The following CDKL4 variants were observed in gnomAD, a reference collection of about 807,000 sequenced individuals.
CDKL4 encodes cyclin-dependent kinase-like 4.
In CDKL4, 44 loss-of-function variants were observed where a neutral mutation model predicts 42.0. The ratio of observed to expected loss-of-function variants is 1.05; its 90% confidence interval spans 0.82 to 1.35. The LOEUF is 1.35. Ranked by LOEUF, CDKL4 falls within the 40% of genes most tolerant of loss-of-function variation. The pLI, the probability that CDKL4 is intolerant of heterozygous loss-of-function variation, is 0.00. For missense variants in CDKL4, 393 were observed against 369.9 expected (o/e 1.06, Z -0.51); for synonymous variants, 120 against 121.6 (o/e 0.99, Z 0.09).
intron 9 of CDKL4, among the ~76,000 whole-genome samples, chr2:39,177,561 C>T (rs1675217478): frequency 1.3e-5 from 2 of 152,010 alleles, no homozygotes. Context: ...CCCACCACTA[C>T]ACCTGGCTAA....
At chr2:39,187,548 A>G in intron 7 of CDKL4, 79 bp downstream of exon 7, 1 of 987,746 alleles carries the variant, frequency 1.0e-6, no homozygotes, top group Non-Finnish European at 1.5e-6. Flanking sequence ...TCATCTCAAA[A>G]TAAATAAATA....
intron 1 of CDKL4, among the ~76,000 whole-genome samples, chr2:39,233,655 C>T (rs1010887234): frequency 1.7e-4 from 26 of 151,938 alleles, no homozygotes; most frequent in Admixed American, 1.3e-3. Context: ...GGAAAGCCGT[C>T]CCCATACATG....
At chr2:39,202,539 G>A (rs1039702663) in intron 5 of CDKL4, among the ~76,000 whole-genome samples, 4 of 152,070 alleles carry the variant, frequency 2.6e-5, no homozygotes, top group Non-Finnish European at 2.9e-5. Flanking sequence ...TTTTAATGAA[G>A]TCCAATTTAT....
At chr2:39,233,307 A>G (rs934938702) in intron 1 of CDKL4, among the ~76,000 whole-genome samples, 1 of 152,120 alleles carries the variant, frequency 6.6e-6, no homozygotes, top group East Asian at 1.9e-4. Context: ...AACACTCACT[A>G]CAAGGAAGGG....
At chr2:39,185,113 T>A (rs913691741) in intron 7 of CDKL4, among the ~76,000 whole-genome samples, 4 of 141,342 alleles carry the variant, frequency 2.8e-5, no homozygotes, top group African/African-American at 7.9e-5. Context: ...TTTAAATATA[T>A]ATATATACAC....
chr2:39,170,614 G>T, the CDKL4 span, among the ~76,000 whole-genome samples: 1 of 151,994 alleles, frequency 6.6e-6, no homozygotes, highest in African/African-American at 2.4e-5. Context: ...CCGCCACCAT[G>T]CCTGGCTAAT....
At chr2:39,210,380 C>G (rs1045382863) in intron 4 of CDKL4, among the ~76,000 whole-genome samples, 1 of 152,068 alleles carries the variant, frequency 6.6e-6, no homozygotes, top group Non-Finnish European at 1.5e-5. Context: ...CGTGTTGTTC[C>G]AAGCACAGAA....
intron 9 of CDKL4, among the ~76,000 whole-genome samples, chr2:39,176,500 T>A (rs1230023697): frequency 6.6e-6 from 1 of 152,234 alleles, no homozygotes; most frequent in East Asian, 1.9e-4. Flanking sequence ...AATGGTGCAA[T>A]CTCGGCTCAC....
At chr2:39,186,634 T>C (rs1212337735) in intron 7 of CDKL4, among the ~76,000 whole-genome samples, 1 of 152,190 alleles carries the variant, frequency 6.6e-6, no homozygotes, top group African/African-American at 2.4e-5. Context: ...TGGAGTTTAA[T>C]GAGTACAATG....
Position 39,176,841 on chromosome 2 carries a change from ACT to A in CDKL4, c.928-747_928-746del, listed in dbSNP as rs766955114. The stretch of plus-strand genomic sequence containing the variant: ...TAAGGAAACCGCAATGAATGAAAAG[ACT>A]TTTTTCTGTAACATTTATTTTCTGA... On this transcript the variant is annotated intron_variant, in intron 9 of 9. Transcript: ENST00000451199. 4.2e-3 allele frequency among the ~76,000 whole-genome samples: 636 copies of A among 152,334 alleles called. 2 individuals are homozygous for A. Among genetic ancestry groups the A allele is most frequent in the Non-Finnish European group, 7.1e-3 (483 of 68,028 alleles).
intron 4 of CDKL4, among the ~76,000 whole-genome samples, chr2:39,205,777 AAAAG>A (rs1553386235): frequency 1.3e-5 from 2 of 149,462 alleles, no homozygotes; most frequent in Admixed American, 6.7e-5. Context: ...AAAAAAAAAA[AAAAG>A]AAAGAAAGAA....
chr2:39,185,942 A>G (rs189118717), intron 7 of CDKL4, among the ~76,000 whole-genome samples: 2 of 152,252 alleles, frequency 1.3e-5, no homozygotes, highest in Admixed American at 1.3e-4. Context: ...TCTGTGCCTG[A>G]TCTACTTCTA....
chr2:39,225,994 C>T, intron 2 of CDKL4, 34 bp from the exon 3 acceptor site: 1 of 1,596,056 alleles, frequency 6.3e-7, no homozygotes, highest in Non-Finnish European at 8.5e-7. Flanking sequence ...GTTAAGTGAT[C>T]TGTTACTAGT....
At chr2:39,185,802 C>A (rs1297242433) in intron 7 of CDKL4, among the ~76,000 whole-genome samples, 1 of 152,004 alleles carries the variant, frequency 6.6e-6, no homozygotes, top group East Asian at 1.9e-4. Context: ...TAATTGTACA[C>A]TGTATGTAAA....
At position 39,240,064 on chromosome 2, in the gene CDKL4, T is replaced by C. The variant is rs540745071; in HGVS notation, c.-57+3807A>G. Among the ~76,000 whole-genome samples, 4 of 151,194 alleles carry C rather than the reference T, an allele frequency of 2.6e-5. No homozygotes were observed. In the South Asian group the frequency reaches 8.4e-4, roughly 32 times the overall value. On this transcript the variant is annotated intron_variant, in intron 1 of 9. Transcript: ENST00000451199. Reference sequence around the variant, plus strand: ...GAGATTGTGCCACTGCACTCCAGCCTGGGTGACAGAGTGAGACTCTGTCTC... The same window carrying C: ...GAGATTGTGCCACTGCACTCCAGCCCGGGTGACAGAGTGAGACTCTGTCTC...
At chr2:39,201,295 C>CTAAA (rs1676825629) in intron 5 of CDKL4, among the ~76,000 whole-genome samples, 1 of 76,478 alleles carries the variant, frequency 1.3e-5, no homozygotes, top group African/African-American at 3.2e-5. Flanking sequence ...ATGGCTATAA[C>CTAAA]CAAAAAAATA....
At chr2:39,186,955 T>C (rs764185868) in intron 7 of CDKL4, among the ~76,000 whole-genome samples, 14 of 152,154 alleles carry the variant, frequency 9.2e-5, no homozygotes, top group Non-Finnish European at 2.1e-4. Context: ...CTCATTGTAA[T>C]GTAGTTTTTA....
intron 4 of CDKL4, among the ~76,000 whole-genome samples, chr2:39,211,826 A>G (rs1677601810): frequency 6.6e-6 from 1 of 152,154 alleles, no homozygotes; most frequent in South Asian, 2.1e-4. Context: ...CAATTTTAAC[A>G]TTATCGAAAG....
intron 3 of CDKL4, among the ~76,000 whole-genome samples, chr2:39,216,764 CA>C (rs2148360767): frequency 6.6e-6 from 1 of 152,250 alleles, no homozygotes; most frequent in East Asian, 1.9e-4. Flanking sequence ...AATTGGGAAA[CA>C]AGGTAGGGGC....
Sources: gnomAD v4.1 joint callset for allele counts (sites outside exome capture counted in the v4.1 genomes callset) on GRCh38, gnomAD v4.1.1 for gene constraint, MANE v1.5 for transcripts, NCBI Gene and HGNC (gene_info 2026-07-23, HGNC 2026-07-21) for gene names.